The following NEK10 variants were observed in gnomAD, a reference collection of about 807,000 sequenced individuals.
The protein encoded by NEK10 is NIMA related kinase 10, also known as serine/threonine-protein kinase Nek10.
A neutral mutation model predicts 159.8 loss-of-function variants in NEK10; 122 were observed. That is an observed-to-expected ratio of 0.76 (90% CI 0.66 to 0.89). NEK10 has a LOEUF of 0.89. Among genes scored for constraint, NEK10 ranks in the 40% least tolerant of loss-of-function variants. The pLI, the probability that NEK10 is intolerant of heterozygous loss-of-function variation, is 0.00. For missense variants in NEK10, 1,342 were observed against 1,323.1 expected, an observed-to-expected ratio of 1.01 and a Z score of -0.22; for synonymous variants, 466 against 457.1, an observed-to-expected ratio of 1.02 and a Z score of -0.25.
intron 22 of NEK10, among the ~76,000 whole-genome samples, chr3:27,259,315 T>A (rs897769231): frequency 6.6e-6 from 1 of 152,216 alleles, no homozygotes; most frequent in Non-Finnish European, 1.5e-5. Context: ...CTGAATGGTA[T>A]TGCCTAGGTA....
At chr3:27,295,822 A>G in intron 14 of NEK10, 132 bp from the exon 15 acceptor site, 1 of 1,170,118 alleles carries the variant, frequency 8.5e-7, no homozygotes, top group Non-Finnish European at 1.1e-6. Flanking sequence ...CTTGAAGTAA[A>G]CATTACAGGA....
intron 22 of NEK10, among the ~76,000 whole-genome samples, chr3:27,270,890 C>T (rs1445824521): frequency 2.6e-5 from 4 of 151,124 alleles, no homozygotes; most frequent in African/African-American, 9.7e-5. Flanking sequence ...AAAAAAAAGT[C>T]CTCTCCTTCA....
In NEK10 at chr3:27,201,594, A is replaced by G. The variant is rs895417327; in HGVS notation, c.2221-14T>C. ...CGCCTCCACTATCTGCAAAACAAAC[A>G]GACTAGAGTGATGGAAGTAAAGGGG... is the stretch of plus-strand genomic sequence containing the variant. On this transcript the variant is annotated splice_polypyrimidine_tract_variant and intron_variant, in intron 24 of 35. Coordinates refer to ENST00000691995, the MANE Select transcript of NEK10 (RefSeq NM_001394966.1). 5 of 1,607,706 alleles carry G rather than the reference A, an allele frequency of 3.1e-6. No individual in the cohort carries two copies. Among genetic ancestry groups the G allele is most frequent in the Admixed American group, 3.3e-5 (2 of 59,722 alleles).
chr3:27,346,546 C>G (rs1216225236), intron 3 of NEK10, among the ~76,000 whole-genome samples: 1 of 152,178 alleles, frequency 6.6e-6, no homozygotes, highest in Non-Finnish European at 1.5e-5. Flanking sequence ...ATTACCCCAG[C>G]ACCTAAAACA....
At position 27,157,447 on chromosome 3, in the gene NEK10, T is replaced by C. The variant is rs114971368; in HGVS notation, c.2869+5254A>G. Among the ~76,000 whole-genome samples the C allele has an allele frequency of 3.6e-4, 55 of 152,212 alleles. 1 individual carries two copies. Among genetic ancestry groups the C allele is most frequent in the African/African-American group, 1.2e-3 (51 of 41,552 alleles). ...GTAGAAGAAGTAATTGCAAATGTAGTAGAAATAGCAAGAGAACTAAAATTA... is the reference window on the plus strand; with the variant it reads ...GTAGAAGAAGTAATTGCAAATGTAGCAGAAATAGCAAGAGAACTAAAATTA... On this transcript the variant is annotated intron_variant, in intron 30 of 35. Transcript: ENST00000691995.
chr3:27,173,111 T>C (rs1264517565), intron 28 of NEK10, among the ~76,000 whole-genome samples: 4 of 152,204 alleles, frequency 2.6e-5, no homozygotes, highest in Non-Finnish European at 4.4e-5. Context: ...TGAACTAAAA[T>C]ATGTTACAAA....
intron 23 of NEK10, among the ~76,000 whole-genome samples, chr3:27,234,099 C>A (rs1161628718): frequency 6.6e-6 from 1 of 151,994 alleles, no homozygotes; most frequent in Non-Finnish European, 1.5e-5. Flanking sequence ...TCTCAATAAA[C>A]TGGTATTGAA....
intron 22 of NEK10, among the ~76,000 whole-genome samples, chr3:27,264,820 G>A (rs1299101537): frequency 2.0e-5 from 3 of 151,990 alleles, no homozygotes; most frequent in East Asian, 3.9e-4. Flanking sequence ...CTGGAACCCG[G>A]CGGGCAGAGC....
At position 27,267,114 on chromosome 3, in the gene NEK10, T is replaced by A. The variant is rs150617355; in HGVS notation, c.2015-10743A>T. Among the ~76,000 whole-genome samples the A allele has an allele frequency of 5.1e-3, 775 of 152,284 alleles. 7 individuals are homozygous for A. The highest frequency in any genetic ancestry group is 0.018 in the African/African-American group (739 of 41,548). ...ACAGCTTCCTACTGAGTTCTACTCA[T>A]ACCCCAGAAAATGGCTTCCTGAAAA... On this transcript the variant is annotated intron_variant, in intron 22 of 35. Coordinates refer to ENST00000691995, the MANE Select transcript of NEK10 (RefSeq NM_001394966.1).
chr3:27,263,090 C>G (rs984497474), intron 22 of NEK10, among the ~76,000 whole-genome samples: 3 of 152,154 alleles, frequency 2.0e-5, no homozygotes, highest in East Asian at 1.9e-4. Flanking sequence ...TACTCCAGAC[C>G]CTGTTTGCCT....
chr3:27,322,219 C>T lies in NEK10; in HGVS notation c.405G>A (p.Val135=), dbSNP rs141505128. ...TCATTAGTAGCCTCAGACAGATTAA[C>T]ACTCTCAGAAAATGAATAGATGGGG... ...NRAPSIHFLR[V]LICLRLLMRD... Residue 135 remains valine (V), a synonymous_variant, in exon 6 of 36, where the codon GTG becomes GTA. Coordinates refer to ENST00000691995, the MANE Select transcript of NEK10 (RefSeq NM_001394966.1). 3 of 1,568,512 alleles carry T rather than the reference C, an allele frequency of 1.9e-6. No homozygotes were observed. Among genetic ancestry groups the T allele is most frequent in the East Asian group, 2.3e-5 (1 of 43,244 alleles).
chr3:27,312,068 A>G (rs765034143), intron 8 of NEK10, 31 bp downstream of exon 8: 24 of 1,476,470 alleles, frequency 1.6e-5, no homozygotes, highest in African/African-American at 2.8e-5. Context: ...CAAGTCCACA[A>G]AAATGGCTGT....
At chr3:27,365,618 T>TTTTG (rs2049017567) in intron 1 of NEK10, among the ~76,000 whole-genome samples, 2 of 134,978 alleles carry the variant, frequency 1.5e-5, no homozygotes, top group African/African-American at 5.8e-5. Flanking sequence ...GTGTTTTTTT[T>TTTTG]TTTTTTTTTT....
At chr3:27,191,297 GA>G (rs57891369) in intron 26 of NEK10, among the ~76,000 whole-genome samples, 2,148 of 140,242 alleles carry the variant, frequency 0.015, 45 homozygotes, top group African/African-American at 0.046. Context: ...CCCAGAACAG[GA>G]AAAAAAAAAA....
At chr3:27,158,834 T>C (rs1945748092) in intron 30 of NEK10, among the ~76,000 whole-genome samples, 1 of 152,332 alleles carries the variant, frequency 6.6e-6, no homozygotes, top group African/African-American at 2.4e-5. Flanking sequence ...AACATTATAG[T>C]ATGTACTTGA....
intron 1 of NEK10, among the ~76,000 whole-genome samples, chr3:27,358,236 T>TA (rs2048450944): frequency 6.6e-6 from 1 of 152,228 alleles, no homozygotes. Flanking sequence ...AAAGATTATA[T>TA]ATAAAAACCA....
rs1400766628 is a variant in NEK10, at chr3:27,322,257, ACT to A, written c.365_366del (p.Glu122ValfsTer3). On this transcript the variant is annotated frameshift_variant and splice_region_variant, in exon 6 of 36. Coordinates refer to ENST00000691995, the MANE Select transcript of NEK10 (RefSeq NM_001394966.1). LOFTEE classifies it high-confidence loss of function. The part of the protein sequence containing the change: ...ALVKNRLISR[E>X]WVNRAPSIHF... ...TGAATAGATGGGGCTCGATTAACCC[ACT>A]CTCTGAAAGAAGAAAACAAGAGAAC... is the stretch of plus-strand genomic sequence containing the variant. 2.0e-6 allele frequency: 3 copies of A among 1,533,038 alleles called. No homozygotes were observed. Among genetic ancestry groups the A allele is most frequent in the Non-Finnish European group, 2.7e-6 (3 of 1,127,720 alleles). 95.0% of individuals were successfully genotyped at this position (1,533,038 alleles called of 1,614,324 possible).
chr3:27,130,597 T>C (rs1377136081), intron 32 of NEK10, among the ~76,000 whole-genome samples: 1 of 152,168 alleles, frequency 6.6e-6, no homozygotes, highest in Non-Finnish European at 1.5e-5. Context: ...TTTCATCTCA[T>C]AAAACTAGGA....
intron 5 of NEK10, among the ~76,000 whole-genome samples, chr3:27,327,369 T>C (rs2046079595): frequency 6.6e-6 from 1 of 152,210 alleles, no homozygotes; most frequent in Non-Finnish European, 1.5e-5. Flanking sequence ...GGCAAATATT[T>C]GTCCCCTCTT....
Sources: gnomAD v4.1 joint callset for allele counts (sites outside exome capture counted in the v4.1 genomes callset) on GRCh38, gnomAD v4.1.1 for gene constraint, MANE v1.5 for transcripts, NCBI Gene and HGNC (gene_info 2026-07-23, HGNC 2026-07-21) for gene names.